Variants in CDH13 observed in about 807,000 individuals in gnomAD.
CDH13 encodes the protein cadherin 13, also known as cadherin-13.
Under a neutral mutation model 63.8 loss-of-function variants are expected in CDH13, and 24 were observed. That is an observed-to-expected ratio of 0.38 (90% CI 0.27 to 0.53). The LOEUF (loss-of-function observed/expected upper bound fraction) is 0.53. Among genes scored for constraint, CDH13 ranks in the 20% least tolerant of loss-of-function variants. The pLI is 0.85. For synonymous variants in CDH13, 503 were observed against 355.3 expected (o/e 1.42, Z -4.67); for missense variants, 1,049 against 903.1 (o/e 1.16, Z -2.07).
chr16:83,576,069 C>T (rs926790856), intron 7 of CDH13, among the ~76,000 whole-genome samples: 3 of 152,202 alleles, frequency 2.0e-5, no homozygotes, highest in African/African-American at 4.8e-5. Context: ...AGTACTTTCA[C>T]GATGTTGTGC....
chr16:83,043,401 G>A (rs577892928), intron 3 of CDH13, among the ~76,000 whole-genome samples: 4 of 151,668 alleles, frequency 2.6e-5, no homozygotes, highest in Non-Finnish European at 5.9e-5. Context: ...TGAAAGCCAC[G>A]TATGTCATTT....
intron 1 of CDH13, among the ~76,000 whole-genome samples, chr16:82,720,006 C>T (rs936530095): frequency 4.6e-5 from 7 of 152,110 alleles, no homozygotes; most frequent in African/African-American, 9.7e-5. Flanking sequence ...TCTTACGGCA[C>T]GTTCCTGGTC....
At chr16:83,362,888 G>A (rs2091188910) in intron 6 of CDH13, among the ~76,000 whole-genome samples, 1 of 152,194 alleles carries the variant, frequency 6.6e-6, no homozygotes, top group Non-Finnish European at 1.5e-5. Flanking sequence ...CAACAGGCAA[G>A]CATCAAAAAC....
chr16:83,052,667 C>G (rs1447082869), intron 3 of CDH13, among the ~76,000 whole-genome samples: 1 of 150,706 alleles, frequency 6.6e-6, no homozygotes, highest in African/African-American at 2.4e-5. Context: ...TTAATCCCAG[C>G]TACTCGGGAG....
chr16:82,864,619 G>T (rs1465414714), intron 2 of CDH13, among the ~76,000 whole-genome samples: 1 of 152,102 alleles, frequency 6.6e-6, no homozygotes, highest in African/African-American at 2.4e-5. Flanking sequence ...GTTACCTCCA[G>T]CTGGTCACCC....
At chr16:83,321,678 G>A (rs1597740728) in intron 5 of CDH13, among the ~76,000 whole-genome samples, 2 of 151,888 alleles carry the variant, frequency 1.3e-5, no homozygotes, top group Non-Finnish European at 2.9e-5. Flanking sequence ...ACAGGCGCCT[G>A]CCACCATGCC....
chr16:83,612,095 T>C (rs1393548696), intron 8 of CDH13, among the ~76,000 whole-genome samples: 1 of 152,126 alleles, frequency 6.6e-6, no homozygotes, highest in African/African-American at 2.4e-5. Flanking sequence ...TTGTATCAGT[T>C]ACTGAAAGAG....
intron 4 of CDH13, among the ~76,000 whole-genome samples, chr16:83,195,233 C>T (rs1026186221): frequency 6.6e-6 from 1 of 151,966 alleles, no homozygotes; most frequent in South Asian, 2.1e-4. Flanking sequence ...TATTGCATAG[C>T]TAAACAAAAG....
intron 5 of CDH13, among the ~76,000 whole-genome samples, chr16:83,252,310 C>G (rs139988160): frequency 7.4e-4 from 99 of 134,498 alleles, no homozygotes; most frequent in African/African-American, 2.7e-3. Context: ...TTTTATTATA[C>G]TTTAAGTTTT....
At chr16:83,226,380 C>T (rs1238282789) in intron 5 of CDH13, among the ~76,000 whole-genome samples, 1 of 152,156 alleles carries the variant, frequency 6.6e-6, no homozygotes, top group East Asian at 1.9e-4. Flanking sequence ...ACATATTTTT[C>T]TCTGAACTTC....
Position 83,533,713 on chromosome 16 carries a change from T to C in CDH13, c.960+47058T>C, listed in dbSNP as rs1428738652. ...TCAGCTCACTGCAACCTCCACCTCC[T>C]GGGTTCAGGTGATTCTCTTGCCTCA... On this transcript the variant is annotated intron_variant, in intron 7 of 13. Transcript: ENST00000567109. Among the ~76,000 whole-genome samples, 105 of 146,788 alleles carry C rather than the reference T, an allele frequency of 7.2e-4. 2 individuals carry two copies. Among genetic ancestry groups the C allele is most frequent in the Non-Finnish European group, 5.5e-4 (37 of 67,392 alleles).
intron 10 of CDH13, among the ~76,000 whole-genome samples, chr16:83,744,984 A>G (rs1305596026): frequency 6.6e-6 from 1 of 152,330 alleles, no homozygotes; most frequent in Non-Finnish European, 1.5e-5. Flanking sequence ...ACCATGCCCC[A>G]TATTAGCCAA....
intron 3 of CDH13, among the ~76,000 whole-genome samples, chr16:83,034,231 A>G (rs946183485): frequency 2.0e-5 from 3 of 152,140 alleles, no homozygotes; most frequent in Admixed American, 2.0e-4. Flanking sequence ...TTCTCACTGC[A>G]ATGCTTCTGG....
At chr16:82,816,689 A>G (rs2037727470) in intron 1 of CDH13, among the ~76,000 whole-genome samples, 1 of 142,274 alleles carries the variant, frequency 7.0e-6, no homozygotes, top group South Asian at 2.6e-4. Flanking sequence ...TAGAAGATGA[A>G]CTTCAAAAAC....
intron 1 of CDH13, among the ~76,000 whole-genome samples, chr16:82,822,389 A>G (rs2038043328): frequency 1.3e-5 from 2 of 152,190 alleles, no homozygotes; most frequent in Non-Finnish European, 2.9e-5. Context: ...ATTGTGTGTT[A>G]TATTACTGCC....
At chr16:83,446,104 A>G (rs2072680153) in intron 6 of CDH13, among the ~76,000 whole-genome samples, 1 of 152,078 alleles carries the variant, frequency 6.6e-6, no homozygotes, top group African/African-American at 2.4e-5. Context: ...GGAGTTCAAG[A>G]CCAGCATGGC....
At chr16:82,781,616 C>G (rs1248852467) in intron 1 of CDH13, among the ~76,000 whole-genome samples, 1 of 152,158 alleles carries the variant, frequency 6.6e-6, no homozygotes, top group Admixed American at 6.5e-5. Flanking sequence ...ATCTATCCAT[C>G]TACCCATCCA....
chr16:83,346,452 A>G (rs146379685), intron 6 of CDH13, among the ~76,000 whole-genome samples: 2 of 152,348 alleles, frequency 1.3e-5, no homozygotes, highest in African/African-American at 4.8e-5. Context: ...GTTTGAGCAG[A>G]ACAGAAAAAT....
chr16:83,061,422 G>C (rs1413543726), intron 3 of CDH13, among the ~76,000 whole-genome samples: 1 of 152,130 alleles, frequency 6.6e-6, no homozygotes, highest in Non-Finnish European at 1.5e-5. Context: ...TAGTTTCCTG[G>C]TGACCTTCTC....
Sources: gnomAD v4.1 joint callset for allele counts (sites outside exome capture counted in the v4.1 genomes callset) on GRCh38, gnomAD v4.1.1 for gene constraint, MANE v1.5 for transcripts, NCBI Gene and HGNC (gene_info 2026-07-23, HGNC 2026-07-21) for gene names.